OPCML: variants seen among roughly 807,000 people sequenced by gnomAD.
OPCML encodes opioid binding protein/cell adhesion molecule like.
OPCML carries 13 observed loss-of-function variants against 37.8 expected under a neutral mutation model. The ratio of observed to expected loss-of-function variants is 0.34; its 90% CI spans 0.22 to 0.55. OPCML has a LOEUF of 0.55. Ranked by LOEUF, OPCML falls within the 20% of genes least tolerant of loss-of-function variation. The probability of loss-of-function intolerance (pLI) is 0.91; values close to 1 mark genes in which losing one functional copy is unlikely to be tolerated. For synonymous variants in OPCML, 176 were observed against 168.8 expected (o/e 1.04, Z -0.33); for missense variants, 341 against 435.6 (o/e 0.78, Z 1.93).
At chr11:132,690,516 A>T (rs1943355142) in intron 2 of OPCML, among the ~76,000 whole-genome samples, 1 of 152,212 alleles carries the variant, frequency 6.6e-6, no homozygotes, top group Admixed American at 6.5e-5. Context: ...CACTGCATGA[A>T]GTGACTGGCA....
intron 3 of OPCML, among the ~76,000 whole-genome samples, chr11:132,595,733 C>T (rs911647663): frequency 1.3e-5 from 2 of 152,180 alleles, no homozygotes; most frequent in Non-Finnish European, 1.5e-5. Flanking sequence ...AGCACTTAAG[C>T]TGTTAAGGCT....
intron 2 of OPCML, among the ~76,000 whole-genome samples, chr11:132,907,837 G>A (rs532765324): frequency 2.0e-5 from 3 of 152,078 alleles, no homozygotes; most frequent in Admixed American, 6.6e-5. Flanking sequence ...TAGTTTACAC[G>A]GTTTCCTTCC....
chr11:132,922,601 C>T (rs888026628), intron 2 of OPCML, among the ~76,000 whole-genome samples: 1 of 152,188 alleles, frequency 6.6e-6, no homozygotes, highest in Non-Finnish European at 1.5e-5. Flanking sequence ...ATTCTTCACT[C>T]TCCTGCATTC....
Position 133,173,613 on chromosome 11 carries a change from C to T in OPCML, c.62-230603G>A, listed in dbSNP as rs1950317822. 6.6e-6 allele frequency among the ~76,000 whole-genome samples: 1 copy of T among 152,140 alleles called. No homozygotes were observed. The highest frequency in any genetic ancestry group is 2.1e-4 in the South Asian group (1 of 4,826). ...ACCTTTCAAATCACCCCCCAGATGC[C>T]TCTCATTGCAAAAATTAGCAGTAAC... On this transcript the variant is annotated intron_variant, in intron 1 of 7. Transcript: ENST00000524381. This position sits in a 1 kb window ranked among gnomAD's most constrained non-coding sequence, Gnocchi z 7.8.
chr11:133,320,789 GTC>G (rs978373080), intron 1 of OPCML, among the ~76,000 whole-genome samples: 2 of 152,176 alleles, frequency 1.3e-5, no homozygotes, highest in Non-Finnish European at 2.9e-5. Flanking sequence ...GGTCTGTGCT[GTC>G]TCTCCTTTTT....
chr11:132,420,302 G>A lies in OPCML; in HGVS notation c.917-9C>T, dbSNP rs1440707249. 1.2e-6 allele frequency: 2 copies of A among 1,613,492 alleles called. No homozygotes were observed. Among genetic ancestry groups the A allele is most frequent in the Admixed American group, 3.3e-5 (2 of 59,972 alleles). On this transcript the variant is annotated splice_polypyrimidine_tract_variant and intron_variant, in intron 7 of 7. Transcript: ENST00000524381. Reference sequence around the variant, plus strand: ...AATGACTGCTCCAGGCCCTGTGTAGGGGAGAGAGAGACAGACCCATTAGCA... The same window carrying A: ...AATGACTGCTCCAGGCCCTGTGTAGAGGAGAGAGAGACAGACCCATTAGCA...
At chr11:132,458,056 G>T (rs1180324125) in intron 4 of OPCML, among the ~76,000 whole-genome samples, 1 of 152,128 alleles carries the variant, frequency 6.6e-6, no homozygotes, top group Non-Finnish European at 1.5e-5. Context: ...TGGGATGGGA[G>T]GTGGGGAGAT....
intron 1 of OPCML, among the ~76,000 whole-genome samples, chr11:133,401,045 G>C (rs919765672): frequency 2.6e-5 from 4 of 152,140 alleles, no homozygotes; most frequent in African/African-American, 9.7e-5. Flanking sequence ...AATAATCCGA[G>C]TCTACATAGC....
intron 1 of OPCML, among the ~76,000 whole-genome samples, chr11:133,099,012 A>C (rs899805717): frequency 1.3e-5 from 2 of 152,160 alleles, no homozygotes; most frequent in African/African-American, 4.8e-5. Flanking sequence ...AATTCAATCA[A>C]TTTCCTATAT....
At chr11:133,198,856 A>T (rs71477432) in intron 1 of OPCML, among the ~76,000 whole-genome samples, 20,904 of 152,218 alleles carry the variant, frequency 0.14, 1,639 homozygotes, top group Middle Eastern at 0.19. Flanking sequence ...TTGGGTGCAT[A>T]TGAACCAATG....
intron 4 of OPCML, among the ~76,000 whole-genome samples, chr11:132,443,832 T>C (rs549027318): frequency 2.0e-5 from 3 of 152,204 alleles, no homozygotes; most frequent in Admixed American, 6.5e-5. Flanking sequence ...GACATGTGCC[T>C]GAATCCTATC....
chr11:132,612,551 TCA>T (rs1384336014), intron 3 of OPCML, among the ~76,000 whole-genome samples: 1 of 152,058 alleles, frequency 6.6e-6, no homozygotes, highest in Non-Finnish European at 1.5e-5. Context: ...GGGGAGAATA[TCA>T]CAGAGGCTGG....
intron 1 of OPCML, among the ~76,000 whole-genome samples, chr11:133,384,132 T>C (rs116168876): frequency 1.7e-3 from 263 of 150,442 alleles, no homozygotes; most frequent in African/African-American, 6.1e-3. Context: ...GCCAGCCCAC[T>C]CCAGCTATAT....
intron 1 of OPCML, chr11:133,439,498 C>G (rs1591501353): frequency 1.1e-6 from 1 of 948,030 alleles, no homozygotes; most frequent in Admixed American, 6.2e-5. Context: ...GATGGAGTCT[C>G]ACTCTGTCGC....
intron 2 of OPCML, among the ~76,000 whole-genome samples, chr11:132,817,756 C>A (rs552059290): frequency 1.3e-5 from 2 of 151,660 alleles, no homozygotes; most frequent in African/African-American, 2.4e-5. Flanking sequence ...TAACTGCCCC[C>A]CTCCCCCGCC....
At chr11:133,271,039 AG>A (rs1565540634) in intron 1 of OPCML, among the ~76,000 whole-genome samples, 1 of 152,186 alleles carries the variant, frequency 6.6e-6, no homozygotes, top group East Asian at 1.9e-4. Context: ...CTGATGAGGA[AG>A]GTTACGCTGA....
chr11:133,299,790 A>G (rs897830500), intron 1 of OPCML: 14 of 152,104 alleles, frequency 9.2e-5, no homozygotes, highest in Non-Finnish European at 1.9e-4. Flanking sequence ...GGAGCTCCAT[A>G]CTTGTCTGTG....
At chr11:133,124,584 G>A (rs1001078747) in intron 1 of OPCML, among the ~76,000 whole-genome samples, 2 of 152,234 alleles carry the variant, frequency 1.3e-5, no homozygotes, top group Non-Finnish European at 2.9e-5. Flanking sequence ...AAAGGTGTCC[G>A]TTCCAATCAC....
intron 2 of OPCML, among the ~76,000 whole-genome samples, chr11:132,901,733 A>T (rs938256817): frequency 2.0e-5 from 3 of 152,244 alleles, no homozygotes; most frequent in African/African-American, 4.8e-5. Context: ...ACAGCAGTAG[A>T]ATCATCAGTA....
Sources: gnomAD v4.1 joint callset for allele counts (sites outside exome capture counted in the v4.1 genomes callset) on GRCh38, gnomAD v4.1.1 for gene constraint, Gnocchi (gnomAD v3.1) non-coding constraint, MANE v1.5 for transcripts, NCBI Gene and HGNC (gene_info 2026-07-23, HGNC 2026-07-21) for gene names.